ARHGAP24: variants seen among roughly 807,000 people sequenced by gnomAD.
ARHGAP24 encodes the protein Rho GTPase activating protein 24.
ARHGAP24 carries 50 observed loss-of-function variants against 76.4 expected under a neutral mutation model. The ratio of observed to expected loss-of-function variants is 0.65; its 90% CI spans 0.52 to 0.83. The LOEUF is 0.83. Ranked by LOEUF, ARHGAP24 falls within the 40% of genes least tolerant of loss-of-function variation. The probability of loss-of-function intolerance (pLI) is 0.00; values close to 1 mark genes in which losing one functional copy is unlikely to be tolerated. For missense variants in ARHGAP24, 930 were observed against 914.2 expected, an observed-to-expected ratio of 1.02 and a Z score of -0.22; for synonymous variants, 345 against 323.3, an observed-to-expected ratio of 1.07 and a Z score of -0.72.
intron 8 of ARHGAP24, among the ~76,000 whole-genome samples, chr4:85,986,445 A>G (rs1740001986): frequency 1.3e-5 from 2 of 152,176 alleles, no homozygotes; most frequent in South Asian, 4.1e-4. Flanking sequence ...ATACATGCCT[A>G]TGATTCATAA....
At chr4:85,999,725 T>C (rs1276327691) in intron 9 of ARHGAP24, 1 of 152,188 alleles carries the variant, frequency 6.6e-6, no homozygotes, top group African/African-American at 2.4e-5. Flanking sequence ...ACAGTCTCTG[T>C]TTTTAAAAAC....
chr4:85,718,746 G>C (rs1017845530), intron 2 of ARHGAP24, among the ~76,000 whole-genome samples: 1 of 152,020 alleles, frequency 6.6e-6, no homozygotes, highest in Non-Finnish European at 1.5e-5. Context: ...TGAAAAACTT[G>C]TCAAAATATA....
At chr4:85,768,544 C>A (rs1227702318) in intron 3 of ARHGAP24, among the ~76,000 whole-genome samples, 1 of 152,158 alleles carries the variant, frequency 6.6e-6, no homozygotes, top group Non-Finnish European at 1.5e-5. Context: ...CAAGGCCAGC[C>A]TGACCAACAT....
At chr4:85,510,570 C>T (rs1560514116) in intron 1 of ARHGAP24, among the ~76,000 whole-genome samples, 1 of 145,202 alleles carries the variant, frequency 6.9e-6, no homozygotes, top group Non-Finnish European at 1.5e-5. Context: ...CTCTTTCCTT[C>T]TCCTTCTTCC....
intron 3 of ARHGAP24, among the ~76,000 whole-genome samples, chr4:85,832,199 G>A (rs989695080): frequency 4.6e-5 from 7 of 152,158 alleles, no homozygotes; most frequent in Non-Finnish European, 1.0e-4. Context: ...GGGTGAGAAG[G>A]CTTGGGATTA....
At chr4:85,591,377 G>A (rs1467875983) in intron 2 of ARHGAP24, among the ~76,000 whole-genome samples, 1 of 152,092 alleles carries the variant, frequency 6.6e-6, no homozygotes, top group Non-Finnish European at 1.5e-5. Context: ...TTTCTTGCAT[G>A]GTTGGGGGAT....
At chr4:85,549,884 G>A (rs1163923913) in intron 1 of ARHGAP24, among the ~76,000 whole-genome samples, 1 of 152,170 alleles carries the variant, frequency 6.6e-6, no homozygotes, top group Non-Finnish European at 1.5e-5. Context: ...TCCTGTGTCA[G>A]TTCTCTTAGC....
chr4:85,848,862 G>C (rs1044521004), intron 3 of ARHGAP24, among the ~76,000 whole-genome samples: 1 of 152,186 alleles, frequency 6.6e-6, no homozygotes, highest in African/African-American at 2.4e-5. Context: ...TTGTAGTATA[G>C]TTTGAAGTCA....
rs145172904 is a variant in ARHGAP24, at chr4:85,719,879, C to T, written c.181-2006C>T. Reference sequence around the variant, plus strand: ...TATGCAAGTATATTTTAGATGTAGACAATCTTAAAAATGGTATAAAATTGC... The same window carrying T: ...TATGCAAGTATATTTTAGATGTAGATAATCTTAAAAATGGTATAAAATTGC... On this transcript the variant is annotated intron_variant, in intron 2 of 9. Transcript: ENST00000395184. Among the ~76,000 whole-genome samples the T allele has an allele frequency of 5.5e-3, 841 of 152,148 alleles. 6 individuals are homozygous for T. Among genetic ancestry groups the T allele is most frequent in the Non-Finnish European group, 8.4e-3 (574 of 68,016 alleles).
intron 1 of ARHGAP24, among the ~76,000 whole-genome samples, chr4:85,559,683 G>C (rs1726520417): frequency 6.6e-6 from 1 of 152,144 alleles, no homozygotes; most frequent in African/African-American, 2.4e-5. Flanking sequence ...TCATGTTTCT[G>C]ATCCTATTTT....
intron 2 of ARHGAP24, among the ~76,000 whole-genome samples, chr4:85,622,720 A>C (rs1404663053): frequency 5.9e-5 from 9 of 152,338 alleles, no homozygotes; most frequent in African/African-American, 1.4e-4. Context: ...ACAACAGTGT[A>C]AAAGTGTTCC....
chr4:85,768,220 T>G (rs76026158), intron 3 of ARHGAP24, among the ~76,000 whole-genome samples: 2,513 of 152,308 alleles, frequency 0.016, 73 homozygotes, highest in African/African-American at 0.057. Context: ...ACAGTTTGAT[T>G]TATTTTTTTA....
At chr4:85,865,358 G>T (rs953859722) in intron 3 of ARHGAP24, among the ~76,000 whole-genome samples, 2 of 150,874 alleles carry the variant, frequency 1.3e-5, no homozygotes, top group African/African-American at 4.9e-5. Flanking sequence ...TCAGTTCTCA[G>T]TTTAAAACTC....
intron 1 of ARHGAP24, among the ~76,000 whole-genome samples, chr4:85,525,858 G>A (rs1724968213): frequency 6.6e-6 from 1 of 152,122 alleles, no homozygotes; most frequent in South Asian, 2.1e-4. Context: ...TGTCATGAAT[G>A]TTCTCCTTGT....
At chr4:85,506,580 CA>C (rs1214594778) in intron 1 of ARHGAP24, among the ~76,000 whole-genome samples, 4 of 149,344 alleles carry the variant, frequency 2.7e-5, no homozygotes, top group African/African-American at 1.0e-4. Context: ...TCAGGTCTGC[CA>C]GTTGTGAAGA....
chr4:85,718,428 G>A (rs79229498), intron 2 of ARHGAP24, among the ~76,000 whole-genome samples: 1 of 152,142 alleles, frequency 6.6e-6, no homozygotes, highest in African/African-American at 2.4e-5. Flanking sequence ...AATTTATATG[G>A]TGTTAACATT....
intron 2 of ARHGAP24, among the ~76,000 whole-genome samples, chr4:85,704,458 G>A (rs191921526): frequency 3.4e-3 from 513 of 152,154 alleles, no homozygotes; most frequent in Middle Eastern, 0.017. Context: ...TGGAATGGAG[G>A]CCATCAAAAA....
chr4:85,641,012 A>G (rs558362297), intron 2 of ARHGAP24, among the ~76,000 whole-genome samples: 3 of 98,624 alleles, frequency 3.0e-5, no homozygotes, highest in East Asian at 4.0e-4. Context: ...AAATAATGAA[A>G]AGAAATTTAC....
intron 2 of ARHGAP24, among the ~76,000 whole-genome samples, chr4:85,654,753 C>A (rs1186537236): frequency 1.3e-5 from 2 of 152,112 alleles, no homozygotes; most frequent in African/African-American, 4.8e-5. Flanking sequence ...GCTCCTTATC[C>A]TAGCTACTAA....
Sources: gnomAD v4.1 joint callset for allele counts (sites outside exome capture counted in the v4.1 genomes callset) on GRCh38, gnomAD v4.1.1 for gene constraint, MANE v1.5 for transcripts, NCBI Gene and HGNC (gene_info 2026-07-23, HGNC 2026-07-21) for gene names.